Variants in NAALADL2 observed in about 807,000 individuals in gnomAD.
NAALADL2 encodes the protein inactive N-acetylated-alpha-linked acidic dipeptidase-like protein 2.
Under a neutral mutation model 87.2 loss-of-function variants are expected in NAALADL2, and 76 were observed. The ratio of observed to expected loss-of-function variants is 0.87; its 90% CI spans 0.72 to 1.05. The LOEUF is 1.05. Among genes scored for constraint, NAALADL2 ranks in the 50% least tolerant of loss-of-function variants. The pLI, the probability that NAALADL2 is intolerant of heterozygous loss-of-function variation, is 0.00. For missense variants in NAALADL2, 1,089 were observed against 945.8 expected (o/e 1.15, Z -1.99); for synonymous variants, 354 against 331.0 (o/e 1.07, Z -0.75).
At chr3:175,368,217 T>C (rs1048274379) in intron 5 of NAALADL2, among the ~76,000 whole-genome samples, 13 of 152,180 alleles carry the variant, frequency 8.5e-5, no homozygotes, top group Admixed American at 2.0e-4. Context: ...CACTTGATCA[T>C]GGTGGATAAG....
intron 3 of NAALADL2, among the ~76,000 whole-genome samples, chr3:175,248,283 TATCTC>T (rs1748379795): frequency 6.6e-6 from 1 of 152,240 alleles, no homozygotes; most frequent in South Asian, 2.1e-4. Flanking sequence ...TCCAGTAACT[TATCTC>T]TTCTCTTTGA....
At chr3:175,761,306 C>A (rs1028137488) in intron 13 of NAALADL2, among the ~76,000 whole-genome samples, 2 of 152,156 alleles carry the variant, frequency 1.3e-5, no homozygotes, top group African/African-American at 4.8e-5. Flanking sequence ...TGGAATAGTA[C>A]AGTATGCAAC....
intron 2 of NAALADL2, among the ~76,000 whole-genome samples, chr3:174,718,804 A>G (rs1731443137): frequency 1.3e-5 from 2 of 152,208 alleles, no homozygotes; most frequent in Admixed American, 6.5e-5. Context: ...CACAAATATC[A>G]GTAGAAGGCA....
At chr3:174,642,074 G>A (rs1723250144) in intron 2 of NAALADL2, among the ~76,000 whole-genome samples, 1 of 152,194 alleles carries the variant, frequency 6.6e-6, no homozygotes. Context: ...ATTTGTTTCT[G>A]TTTTACAGGA....
At chr3:174,896,634 A>G in intron 1 of NAALADL2, among the ~76,000 whole-genome samples, 1 of 152,208 alleles carries the variant, frequency 6.6e-6, no homozygotes, top group Non-Finnish European at 1.5e-5. Context: ...TCAAAATACC[A>G]ATGACATTCT....
intron 2 of NAALADL2, among the ~76,000 whole-genome samples, chr3:174,658,412 C>T (rs1725184893): frequency 6.6e-6 from 1 of 152,068 alleles, no homozygotes; most frequent in African/African-American, 2.4e-5. Context: ...CCATGTGTGT[C>T]TCTTCTTTGG....
intron 2 of NAALADL2, among the ~76,000 whole-genome samples, chr3:174,577,046 C>T (rs1385464528): frequency 1.3e-5 from 2 of 151,976 alleles, no homozygotes; most frequent in Non-Finnish European, 2.9e-5. Context: ...TTAAACGTTA[C>T]AGAGAGCTTC....
At chr3:175,020,860 C>G (rs972487927) in intron 1 of NAALADL2, among the ~76,000 whole-genome samples, 2 of 152,008 alleles carry the variant, frequency 1.3e-5, no homozygotes, top group African/African-American at 4.8e-5. Flanking sequence ...AATTCCTCTG[C>G]CGCTGGACTT....
In NAALADL2 at chr3:175,697,803, A is replaced by G. The variant is rs1011555003; in HGVS notation, c.1897-39503A>G. ...TATATATGTGTGTGTATATATGTATATATATTTATGTATGTATACATATAT... is the reference window on the plus strand; with the variant it reads ...TATATATGTGTGTGTATATATGTATGTATATTTATGTATGTATACATATAT... On this transcript the variant is annotated intron_variant, in intron 11 of 13. Coordinates refer to ENST00000454872, the MANE Select transcript of NAALADL2 (RefSeq NM_207015.3). Among the ~76,000 whole-genome samples the G allele has an allele frequency of 1.4e-4, 20 of 143,758 alleles. No individual in the cohort carries two copies. The East Asian group carries it at 3.6e-3, about 26-fold the overall frequency. 94.3% of individuals were successfully genotyped at this position (143,758 alleles called of 152,430 possible).
At chr3:174,585,431 G>C (rs1454567297) in intron 2 of NAALADL2, among the ~76,000 whole-genome samples, 1 of 152,178 alleles carries the variant, frequency 6.6e-6, no homozygotes, top group East Asian at 1.9e-4. Flanking sequence ...ATGGACGAGA[G>C]CAAGAGAACA....
intron 11 of NAALADL2, among the ~76,000 whole-genome samples, chr3:175,635,151 T>C (rs1391619008): frequency 1.3e-5 from 2 of 152,088 alleles, no homozygotes. Flanking sequence ...CTAGAGAGGT[T>C]TGGTTTATTC....
intron 4 of NAALADL2, among the ~76,000 whole-genome samples, chr3:175,315,015 ATT>A (rs1318145429): frequency 2.6e-5 from 4 of 151,976 alleles, no homozygotes; most frequent in African/African-American, 9.7e-5. Context: ...GTCCTTTTTA[ATT>A]GCTGGGAAGA....
intron 2 of NAALADL2, among the ~76,000 whole-genome samples, chr3:174,714,299 C>T (rs1346618004): frequency 6.6e-6 from 1 of 152,014 alleles, no homozygotes; most frequent in Non-Finnish European, 1.5e-5. Flanking sequence ...TTTTTGGTTC[C>T]ATATGAACTT....
chr3:175,476,754 A>G (rs1431770766), intron 9 of NAALADL2, among the ~76,000 whole-genome samples: 9 of 152,088 alleles, frequency 5.9e-5, no homozygotes, highest in African/African-American at 2.2e-4. Flanking sequence ...CAGCCACTGT[A>G]TTGTTTTACC....
At chr3:175,370,707 C>T (rs371686121) in intron 5 of NAALADL2, among the ~76,000 whole-genome samples, 5 of 152,320 alleles carry the variant, frequency 3.3e-5, no homozygotes, top group African/African-American at 1.2e-4. Context: ...GCCAAACATG[C>T]TTCTGATTCC....
rs576480687 is a variant in NAALADL2, at chr3:174,618,349, C to T, written c.-115+67712C>T. On this transcript the variant is annotated intron_variant, in intron 2 of 3. Transcript: ENST00000434257. Reference sequence around the variant, plus strand: ...GATGCTGTATTGTGGCAAAAAGATACAAGTAAAGAATCAAAGTATTAAATT... The same window carrying T: ...GATGCTGTATTGTGGCAAAAAGATATAAGTAAAGAATCAAAGTATTAAATT... 2.0e-5 allele frequency among the ~76,000 whole-genome samples: 3 copies of T among 151,700 alleles called. No individual in the cohort carries two copies. The East Asian group carries it at 5.8e-4, about 29-fold the overall frequency.
At chr3:175,577,420 G>A (rs1314250595) in intron 10 of NAALADL2, among the ~76,000 whole-genome samples, 1 of 152,164 alleles carries the variant, frequency 6.6e-6, no homozygotes, top group Non-Finnish European at 1.5e-5. Flanking sequence ...CAGTAGAAGG[G>A]AGTAGTTTGT....
At chr3:175,079,804 A>G (rs1419698164) in intron 1 of NAALADL2, among the ~76,000 whole-genome samples, 2 of 151,856 alleles carry the variant, frequency 1.3e-5, no homozygotes, top group Non-Finnish European at 2.9e-5. Flanking sequence ...CTGCACGTGC[A>G]CACACACGTA....
chr3:174,968,281 TA>T (rs1465519936), intron 1 of NAALADL2, among the ~76,000 whole-genome samples: 1 of 152,192 alleles, frequency 6.6e-6, no homozygotes, highest in Non-Finnish European at 1.5e-5. Context: ...TAAGCATTAC[TA>T]TTTGTCAGAA....
Sources: gnomAD v4.1 joint callset for allele counts (sites outside exome capture counted in the v4.1 genomes callset) on GRCh38, gnomAD v4.1.1 for gene constraint, MANE v1.5 for transcripts, NCBI Gene and HGNC (gene_info 2026-07-23, HGNC 2026-07-21) for gene names.